The following PTPRG variants were observed in gnomAD, a reference collection of about 807,000 sequenced individuals.
The protein encoded by PTPRG is receptor-type tyrosine-protein phosphatase gamma.
PTPRG carries 102 observed loss-of-function variants against 165.3 expected under a neutral mutation model. The observed-to-expected ratio is 0.62, with a 90% CI of 0.53 to 0.73. The LOEUF (loss-of-function observed/expected upper bound fraction) is 0.73. Among genes scored for constraint, PTPRG ranks in the 30% least tolerant of loss-of-function variants. PTPRG has a pLI of 0.00. For synonymous variants in PTPRG, 675 were observed against 669.5 expected (o/e 1.01, Z -0.13); for missense variants, 1,866 against 1,861.4 (o/e 1.00, Z -0.05).
At chr3:62,161,617 A>G (rs914488702) in intron 7 of PTPRG, among the ~76,000 whole-genome samples, 8 of 152,214 alleles carry the variant, frequency 5.3e-5, no homozygotes, top group Admixed American at 6.5e-5. Context: ...TATTAATCCA[A>G]GAGAGATGGC....
intron 4 of PTPRG, among the ~76,000 whole-genome samples, chr3:62,063,604 G>A (rs10866053): frequency 0.44 from 66,456 of 152,046 alleles, 15,287 homozygotes; most frequent in Middle Eastern, 0.53. Context: ...TTTTAGTAGA[G>A]CAGCTGTGTT....
intron 28 of PTPRG, among the ~76,000 whole-genome samples, chr3:62,286,269 C>A (rs1702655869): frequency 6.6e-6 from 1 of 152,070 alleles, no homozygotes; most frequent in African/African-American, 2.4e-5. Flanking sequence ...TTATTGAGAG[C>A]CTTATGGAAG....
At chr3:62,092,439 G>GAATAAAA (rs1701970900) in intron 5 of PTPRG, among the ~76,000 whole-genome samples, 1 of 89,436 alleles carries the variant, frequency 1.1e-5, no homozygotes, top group Non-Finnish European at 2.1e-5. Flanking sequence ...GAGTCCATCT[G>GAATAAAA]AAAAAAAAAA....
At position 62,201,817 on chromosome 3, in the gene PTPRG, C is replaced by T. The variant is rs75440525; in HGVS notation, c.1377+263C>T. On this transcript the variant is annotated intron_variant, in intron 11 of 29. Transcript: ENST00000474889. ...TTTAGTTATGATTTGTGGGATCAGA[C>T]GATGCAGGACCACAAAGGAGTTAAA... Among the ~76,000 whole-genome samples the T allele has an allele frequency of 1.8e-3, 268 of 152,240 alleles. 1 individual carries two copies. The highest frequency in any genetic ancestry group is 5.1e-3 in the African/African-American group (212 of 41,524).
intron 12 of PTPRG, among the ~76,000 whole-genome samples, chr3:62,207,989 A>G (rs1051783361): frequency 1.3e-5 from 2 of 152,232 alleles, no homozygotes; most frequent in Admixed American, 1.3e-4. Context: ...GTTTTTGTGC[A>G]GAACCCCCCA....
chr3:61,564,274 C>T (rs1400165678), intron 1 of PTPRG, among the ~76,000 whole-genome samples: 2 of 152,208 alleles, frequency 1.3e-5, no homozygotes, highest in Non-Finnish European at 2.9e-5. Flanking sequence ...GAGGGCCACT[C>T]TTTAATGGGT....
chr3:62,236,783 C>A (rs1441689288), intron 14 of PTPRG, among the ~76,000 whole-genome samples: 1 of 152,114 alleles, frequency 6.6e-6, no homozygotes, highest in African/African-American at 2.4e-5. Context: ...CACTGTGGTC[C>A]TCCACCCTGC....
intron 1 of PTPRG, among the ~76,000 whole-genome samples, chr3:61,747,908 A>G (rs977780430): frequency 6.6e-6 from 1 of 152,004 alleles, no homozygotes; most frequent in African/African-American, 2.4e-5. Context: ...ATTTTGAGGC[A>G]CCTGTGACAT....
At chr3:61,768,259 T>C (rs942202396) in intron 2 of PTPRG, among the ~76,000 whole-genome samples, 1 of 152,234 alleles carries the variant, frequency 6.6e-6, no homozygotes, top group Non-Finnish European at 1.5e-5. Context: ...GTATGATGTA[T>C]GTCTTTTTTT....
Position 61,598,057 on chromosome 3 carries a change from GC to G in PTPRG, c.85+35686del, listed in dbSNP as rs1700748791. Reference sequence around the variant, plus strand: ...CTGAATGAATAGAAATTTTGAACATGCTTGTTTTGAAACTCGGCTACCTCTG... The same window carrying G: ...CTGAATGAATAGAAATTTTGAACATGTTGTTTTGAAACTCGGCTACCTCTG... On this transcript the variant is annotated intron_variant, in intron 1 of 29. Transcript: ENST00000474889. 2.0e-5 allele frequency among the ~76,000 whole-genome samples: 3 copies of G among 152,270 alleles called. No homozygotes were observed. In the South Asian group the frequency reaches 6.2e-4, roughly 32 times the overall value.
At chr3:61,592,323 A>G (rs1489525113) in intron 1 of PTPRG, among the ~76,000 whole-genome samples, 1 of 151,952 alleles carries the variant, frequency 6.6e-6, no homozygotes, top group African/African-American at 2.4e-5. Flanking sequence ...TTGTGCGGAG[A>G]CTGTAAAGGA....
At chr3:61,737,330 A>G (rs1342839322) in intron 1 of PTPRG, among the ~76,000 whole-genome samples, 2 of 152,126 alleles carry the variant, frequency 1.3e-5, no homozygotes, top group African/African-American at 2.4e-5. Context: ...CATGGACTGG[A>G]AGCTCCAAGA....
At position 62,219,369 on chromosome 3, in the gene PTPRG, T is replaced by C. The variant is rs1477375458; in HGVS notation, c.2288+386T>C. On this transcript the variant is annotated intron_variant, in intron 13 of 29. Transcript: ENST00000474889. The surrounding 1 kb of genome is among the most constrained non-coding windows in gnomAD (Gnocchi z 4.5). ...AGTTTTTCTGAGATGATGCTTACTT[T>C]GTTGTAGTCACATAATAACTCCTCT... 6.6e-6 allele frequency among the ~76,000 whole-genome samples: 1 copy of C among 152,280 alleles called. No individual in the cohort carries two copies. Among genetic ancestry groups the C allele is most frequent in the African/African-American group, 2.4e-5 (1 of 41,478 alleles).
At position 62,272,928 on chromosome 3, in the gene PTPRG, T is replaced by C; in HGVS notation, c.3183-18T>C. On this transcript the variant is annotated intron_variant, in intron 21 of 29. Transcript: ENST00000474889. ...TGATAAAACAAAAGTGCCAGTTGAGTGTCTTCATTTCTTACAGTGCTGGTG... is the reference window on the plus strand; with the variant it reads ...TGATAAAACAAAAGTGCCAGTTGAGCGTCTTCATTTCTTACAGTGCTGGTG... The C allele has an allele frequency of 6.4e-7, 1 of 1,569,212 alleles. No homozygotes were observed. Among genetic ancestry groups the C allele is most frequent in the Non-Finnish European group, 8.6e-7 (1 of 1,159,196 alleles).
intron 13 of PTPRG, among the ~76,000 whole-genome samples, chr3:62,221,032 T>C (rs766892658): frequency 6.6e-6 from 1 of 152,186 alleles, no homozygotes; most frequent in African/African-American, 2.4e-5. Flanking sequence ...AGCCAAAACA[T>C]GAGTATTTAC....
intron 1 of PTPRG, chr3:61,739,275 G>A (rs1447554913): frequency 1.3e-5 from 2 of 152,050 alleles, no homozygotes; most frequent in Admixed American, 6.5e-5. Context: ...GTTGTAATTG[G>A]AAGTTAGAAA....
At position 61,599,011 on chromosome 3, in the gene PTPRG, A is replaced by T. The variant is rs371535157; in HGVS notation, c.85+36639A>T. On this transcript the variant is annotated intron_variant, in intron 1 of 29. Transcript: ENST00000474889. ...TGATATCTGCAGTGACCCAATTTCA[A>T]TTCAACACATACAGATGGATAGGAA... is the stretch of plus-strand genomic sequence containing the variant. 2.6e-5 allele frequency among the ~76,000 whole-genome samples: 4 copies of T among 152,232 alleles called. No individual in the cohort carries two copies. In the South Asian group the frequency reaches 8.3e-4, roughly 32 times the overall value.
At chr3:61,973,328 C>T (rs185692927) in intron 2 of PTPRG, among the ~76,000 whole-genome samples, 13 of 152,258 alleles carry the variant, frequency 8.5e-5, no homozygotes, top group African/African-American at 2.2e-4. Flanking sequence ...AATGGGAGTT[C>T]CTGAACTAAA....
In PTPRG at chr3:61,762,355, C is replaced by T. The variant is rs554969153; in HGVS notation, c.190+13373C>T. On this transcript the variant is annotated intron_variant, in intron 2 of 29. Coordinates refer to ENST00000474889, the MANE Select transcript of PTPRG (RefSeq NM_002841.4). ...AAGATTTGCTTCTGGCTGGGCATGG[C>T]GGCTCATGCACTTTGGGAGGCTGAG... Among the ~76,000 whole-genome samples, 31 of 152,240 alleles carry T rather than the reference C, an allele frequency of 2.0e-4. 3 individuals are homozygous for T. The South Asian group carries it at 4.8e-3, about 24-fold the overall frequency.
Sources: gnomAD v4.1 joint callset for allele counts (sites outside exome capture counted in the v4.1 genomes callset) on GRCh38, gnomAD v4.1.1 for gene constraint, Gnocchi (gnomAD v3.1) non-coding constraint, MANE v1.5 for transcripts, NCBI Gene and HGNC (gene_info 2026-07-23, HGNC 2026-07-21) for gene names.